CST5: variants seen among roughly 807,000 people sequenced by gnomAD.
The protein encoded by CST5 is cystatin-D.
CST5 carries 13 observed loss-of-function variants against 11.5 expected under a neutral mutation model. That is an observed-to-expected ratio of 1.13 (90% confidence interval 0.73 to 1.79). CST5 has a LOEUF of 1.79. Ranked by LOEUF, CST5 falls within the 40% of genes most tolerant of loss-of-function variation. The probability of loss-of-function intolerance (pLI) is 0.00; values close to 1 mark genes in which losing one functional copy is unlikely to be tolerated. For synonymous variants in CST5, 81 were observed against 67.6 expected, an observed-to-expected ratio of 1.20 and a Z score of -0.97; for missense variants, 219 against 174.5, an observed-to-expected ratio of 1.25 and a Z score of -1.44.
At position 23,879,648 on chromosome 20, in the gene CST5, A is replaced by G; in HGVS notation, c.29T>C (p.Leu10Pro). 6.2e-7 allele frequency: 1 copy of G among 1,614,084 alleles called. No homozygotes were observed. The highest frequency in any genetic ancestry group is 8.5e-7 in the Non-Finnish European group (1 of 1,179,954). Residue 10 changes from leucine (L) to proline (P), a missense_variant, in exon 1 of 3, where the codon CTG becomes CCG. Coordinates refer to ENST00000304710, the MANE Select transcript of CST5 (RefSeq NM_001900.5). MMWPMHTPL[L>P]LLTALMVAVA... The stretch of plus-strand genomic sequence containing the variant: ...GGCCACCATCAAGGCAGTCAGCAGC[A>G]GCAGTGGGGTGTGCATGGGCCACAT...
intron 1 of CST5, 50 bp from the exon 2 acceptor site, chr20:23,877,668 T>G: frequency 6.9e-7 from 1 of 1,452,830 alleles, no homozygotes; most frequent in Non-Finnish European, 9.6e-7. Context: ...GTCAGTTTCA[T>G]GCACACGCAG....
intron 2 of CST5, 49 bp from the exon 3 acceptor site, chr20:23,876,320 C>G (rs1441078227): frequency 1.4e-6 from 2 of 1,437,284 alleles, no homozygotes; most frequent in East Asian, 4.6e-5. Context: ...ACAGTTAAAG[C>G]CAAAGATGCC....
chr20:23,878,092 G>A (rs985332895), intron 1 of CST5, among the ~76,000 whole-genome samples: 4 of 152,180 alleles, frequency 2.6e-5, no homozygotes, highest in Non-Finnish European at 4.4e-5. Flanking sequence ...ATCCTAGGAA[G>A]GCTGCCACCT....
At chr20:23,879,151 C>T (rs973627549) in intron 1 of CST5, among the ~76,000 whole-genome samples, 1 of 152,144 alleles carries the variant, frequency 6.6e-6, no homozygotes, top group African/African-American at 2.4e-5. Flanking sequence ...GCATCAAGCC[C>T]ACCCAGAGTC....
In CST5 at chr20:23,877,281, G is replaced by A. The variant is rs190937316; in HGVS notation, c.345+224C>T. On this transcript the variant is annotated intron_variant, in intron 2 of 2. Coordinates refer to ENST00000304710, the MANE Select transcript of CST5 (RefSeq NM_001900.5). ...CTCCATATGCACAAACACATTCATT[G>A]ACTTCACAATACACATCTGCACATG... Among the ~76,000 whole-genome samples the A allele has an allele frequency of 7.2e-5, 11 of 152,204 alleles. 1 individual carries two copies. The East Asian group carries it at 9.7e-4, about 13-fold the overall frequency.
At position 23,876,159 on chromosome 20, in the gene CST5, G is replaced by T; in HGVS notation, c.*29C>A. 2 of 1,577,038 alleles carry T rather than the reference G, an allele frequency of 1.3e-6. No homozygotes were observed. Among genetic ancestry groups the T allele is most frequent in the Non-Finnish European group, 1.7e-6 (2 of 1,147,128 alleles). The stretch of plus-strand genomic sequence containing the variant: ...ACTACAGGGGGTGGGAGTAGGAGGT[G>T]GTCAGTGTGACAGGCCTTGCACAGA... On this transcript the variant is annotated 3_prime_UTR_variant, in exon 3 of 3. Transcript: ENST00000304710.
At position 23,875,940 on chromosome 20, in the gene CST5, G is replaced by A. The variant is rs1985951625; in HGVS notation, c.*248C>T. On this transcript the variant is annotated 3_prime_UTR_variant, in exon 3 of 3. Transcript: ENST00000304710. The stretch of plus-strand genomic sequence containing the variant: ...AGCCAAGAACTCAGAGGGAGGCAAT[G>A]CTACTGTTTAATTGCAGGAGGTGGG... 2 of 351,352 alleles carry A rather than the reference G, an allele frequency of 5.7e-6. No individual in the cohort carries two copies. The highest frequency in any genetic ancestry group is 8.9e-5 in the Admixed American group (2 of 22,520). The allele number at this position is 351,352 out of a possible 1,614,324, so 21.8% of individuals were successfully genotyped here.
Position 23,879,611 on chromosome 20 carries a change from A to C in CST5, c.66T>G (p.Ser22Arg). Residue 22 changes from serine to arginine, a missense_variant, in exon 1 of 3, where the codon AGT becomes AGG. Coordinates refer to ENST00000304710, the MANE Select transcript of CST5 (RefSeq NM_001900.5). ...LTALMVAVAG[S>R]ASAQSRTLAG... Reference sequence around the variant, plus strand: ...CCAAGGTCCTAGATTGGGCCGAGGCACTCCCGGCCACGGCCACCATCAAGG... The same window carrying C: ...CCAAGGTCCTAGATTGGGCCGAGGCCCTCCCGGCCACGGCCACCATCAAGG... 1 of 1,613,950 alleles carries C rather than the reference A, an allele frequency of 6.2e-7. No individual in the cohort carries two copies. The highest frequency in any genetic ancestry group is 8.5e-7 in the Non-Finnish European group (1 of 1,179,964).
rs1413344790 is a variant in CST5 at position 23,879,538 on chromosome 20, C to T, written c.139G>A (p.Ala47Thr). The change falls in exon 1 of 3, where the codon GCC becomes ACC. Residue 47 changes from alanine (A) to threonine (T), a missense_variant. Transcript: ENST00000304710. ...TACTCGCTGATGGCAAAGTCCAGGG[C>T]ACACTGCACACTCTTGTCATTGAGG... ...TDLNDKSVQC[A>T]LDFAISEYNK... is the part of the protein sequence containing the mutation. 8 of 1,614,032 alleles carry T rather than the reference C, an allele frequency of 5.0e-6. No individual in the cohort carries two copies. In the East Asian group the frequency reaches 8.9e-5, roughly 18 times the overall value.
intron 2 of CST5, 132 bp from the exon 3 acceptor site, chr20:23,876,403 C>A: frequency 1.5e-6 from 1 of 664,632 alleles, no homozygotes; most frequent in Non-Finnish European, 2.6e-6. Context: ...CAACCTACCC[C>A]TGCCGAGTTC....
rs1457514212 is a variant in CST5 at position 23,876,085 on chromosome 20, A to T, written c.*103T>A. On this transcript the variant is annotated 3_prime_UTR_variant, in exon 3 of 3. Transcript: ENST00000304710. Reference sequence around the variant, plus strand: ...TGTGTCTGTCTCCTGGTGCAGGCGCATGAGGAGACCTCCCCCAGGGTGGGG... The same window carrying T: ...TGTGTCTGTCTCCTGGTGCAGGCGCTTGAGGAGACCTCCCCCAGGGTGGGG... The T allele has an allele frequency of 4.7e-6, 4 of 845,674 alleles. No individual in the cohort carries two copies. Among genetic ancestry groups the T allele is most frequent in the Non-Finnish European group, 7.7e-6 (4 of 518,670 alleles). The allele number at this position is 845,674 out of a possible 1,614,324, so 52.4% of individuals were successfully genotyped here.
rs761896231 is a variant in CST5, at chr20:23,879,616, C to G, written c.61G>C (p.Gly21Arg). The G allele has an allele frequency of 1.5e-5, 24 of 1,614,074 alleles. No homozygotes were observed. The East Asian group carries it at 3.6e-4, about 24-fold the overall frequency. ...LLTALMVAVAGSASAQSRTLA... is the reference protein window; with the variant it reads ...LLTALMVAVARSASAQSRTLA... ...GTCCTAGATTGGGCCGAGGCACTCC[C>G]GGCCACGGCCACCATCAAGGCAGTC... Residue 21 changes from glycine (G) to arginine (R), a missense_variant, in exon 1 of 3, where the codon GGG becomes CGG. Transcript: ENST00000304710.
Position 23,879,603 on chromosome 20 carries a change from G to A in CST5, c.74C>T (p.Ala25Val). The A allele has an allele frequency of 6.2e-7, 1 of 1,614,038 alleles. No homozygotes were observed. Among genetic ancestry groups the A allele is most frequent in the Non-Finnish European group, 8.5e-7 (1 of 1,179,994 alleles). ...LMVAVAGSAS[A>V]QSRTLAGGIH... ...GCCACCTGCCAAGGTCCTAGATTGG[G>A]CCGAGGCACTCCCGGCCACGGCCAC... Residue 25 changes from alanine (A) to valine (V), a missense_variant, in exon 1 of 3, where the codon GCC becomes GTC. Transcript: ENST00000304710.
chr20:23,878,230 T>C (rs1008386696), intron 1 of CST5, among the ~76,000 whole-genome samples: 3 of 152,228 alleles, frequency 2.0e-5, no homozygotes, highest in African/African-American at 7.2e-5. Context: ...CATACATTGA[T>C]GTTTTAGGCC....
chr20:23,876,156 G>A lies in CST5; in HGVS notation c.*32C>T, dbSNP rs2122208047. The A allele has an allele frequency of 6.4e-7, 1 of 1,565,576 alleles. No individual in the cohort carries two copies. Among genetic ancestry groups the A allele is most frequent in the African/African-American group, 1.4e-5 (1 of 73,982 alleles). On this transcript the variant is annotated 3_prime_UTR_variant, in exon 3 of 3. Transcript: ENST00000304710. ...AGCACTACAGGGGGTGGGAGTAGGA[G>A]GTGGTCAGTGTGACAGGCCTTGCAC...
Position 23,876,043 on chromosome 20 carries a change from G to A in CST5, c.*145C>T, listed in dbSNP as rs960642503. 14 of 615,602 alleles carry A rather than the reference G, an allele frequency of 2.3e-5. No homozygotes were observed. The highest frequency in any genetic ancestry group is 3.8e-5 in the Non-Finnish European group (13 of 344,894). The allele number at this position is 615,602 out of a possible 1,614,324, so 38.1% of individuals were successfully genotyped here. ...GCAGAGCCTCCTGCTGAGCAACAAA[G>A]GCCTCCTGCCACCTTCTGTGTCTGT... On this transcript the variant is annotated 3_prime_UTR_variant, in exon 3 of 3. Transcript: ENST00000304710.
At chr20:23,877,101 A>G (rs1464530553) in intron 2 of CST5, among the ~76,000 whole-genome samples, 1 of 152,124 alleles carries the variant, frequency 6.6e-6, no homozygotes. Flanking sequence ...ACCCAAACGA[A>G]TATATGCATG....
Position 23,876,045 on chromosome 20 carries a change from C to G in CST5, c.*143G>C. 1.6e-6 allele frequency: 1 copy of G among 618,440 alleles called. No homozygotes were observed. Among genetic ancestry groups the G allele is most frequent in the Non-Finnish European group, 2.9e-6 (1 of 347,462 alleles). The allele number at this position is 618,440 out of a possible 1,614,324, so 38.3% of individuals were successfully genotyped here. A position where few individuals can be genotyped will look rare whatever the true frequency, so the allele number is the denominator to read the frequency against. On this transcript the variant is annotated 3_prime_UTR_variant, in exon 3 of 3. Transcript: ENST00000304710. ...AGAGCCTCCTGCTGAGCAACAAAGG[C>G]CTCCTGCCACCTTCTGTGTCTGTCT...
chr20:23,876,563 C>A (rs1985965749), intron 2 of CST5, among the ~76,000 whole-genome samples: 1 of 152,164 alleles, frequency 6.6e-6, no homozygotes. Flanking sequence ...GCCTTGGGAG[C>A]CTCAGGGGTG....
Sources: allele counts gnomAD v4.1 joint callset (sites outside exome capture counted in the v4.1 genomes callset), GRCh38; gene constraint gnomAD v4.1.1; transcripts MANE v1.5; gene names NCBI Gene and HGNC (gene_info 2026-07-23, HGNC 2026-07-21).